The following MAP4K4 variants were observed in gnomAD, a reference collection of about 807,000 sequenced individuals.
The protein encoded by MAP4K4 is HPK/GCK-like kinase HGK.
Under a neutral mutation model 189.6 loss-of-function variants are expected in MAP4K4, and 38 were observed. The ratio of observed to expected loss-of-function variants is 0.20; its 90% CI spans 0.15 to 0.26. The LOEUF is 0.26. Among genes scored for constraint, MAP4K4 ranks in the 10% least tolerant of loss-of-function variants. The pLI is 1.00. For missense variants in MAP4K4, 1,054 were observed against 1,726.9 expected (o/e 0.61, Z 6.91); for synonymous variants, 610 against 624.3 (o/e 0.98, Z 0.34).
chr2:101,747,938 C>T (rs1346909150), intron 2 of MAP4K4, among the ~76,000 whole-genome samples: 1 of 152,212 alleles, frequency 6.6e-6, no homozygotes, highest in African/African-American at 2.4e-5. Flanking sequence ...GCTTGAGGAA[C>T]TGGTGTCGTG....
chr2:101,734,504 C>T (rs549370762), intron 2 of MAP4K4, among the ~76,000 whole-genome samples: 1 of 152,184 alleles, frequency 6.6e-6, no homozygotes, highest in Non-Finnish European at 1.5e-5. Context: ...AATTTACATT[C>T]TTTCGTATCA....
rs2093307153 is a variant in MAP4K4, at chr2:101,793,645, A to G, written c.180+2869A>G. On this transcript the variant is annotated intron_variant, in intron 3 of 32. Transcript: ENST00000324219. The stretch of plus-strand genomic sequence containing the variant: ...AGGTGCAAATACTTGTTTTTGGGAA[A>G]AATCACAGATTGGTTCTGACTCTTT... Among the ~76,000 whole-genome samples the G allele has an allele frequency of 1.3e-5, 2 of 151,838 alleles. 1 individual carries two copies. Among genetic ancestry groups the G allele is most frequent in the South Asian group, 4.2e-4 (2 of 4,814 alleles).
chr2:101,764,281 C>A (rs561304053), intron 2 of MAP4K4, among the ~76,000 whole-genome samples: 93 of 152,278 alleles, frequency 6.1e-4, no homozygotes, highest in African/African-American at 2.2e-3. Context: ...AAAAATTATA[C>A]CCAAATTGAA....
Position 101,763,723 on chromosome 2 carries a change from A to C in MAP4K4, c.124-26997A>C, listed in dbSNP as rs181143439. On this transcript the variant is annotated intron_variant, in intron 2 of 32. Coordinates refer to ENST00000324219, the Ensembl canonical transcript of MAP4K4. Reference sequence around the variant, plus strand: ...CTCAGGGAGATGAACTAACTTGAAGAGTGTCTTACCACAATCTCTATGAGA... The same window carrying C: ...CTCAGGGAGATGAACTAACTTGAAGCGTGTCTTACCACAATCTCTATGAGA... Among the ~76,000 whole-genome samples the C allele has an allele frequency of 3.5e-3, 531 of 152,330 alleles. 2 individuals are homozygous for C. Among genetic ancestry groups the C allele is most frequent in the African/African-American group, 0.012 (517 of 41,566 alleles).
At chr2:101,789,758 G>A (rs2092525601) in intron 2 of MAP4K4, among the ~76,000 whole-genome samples, 1 of 152,184 alleles carries the variant, frequency 6.6e-6, no homozygotes, top group African/African-American at 2.4e-5. Flanking sequence ...ATATCTGGAT[G>A]CTCTTTGCTA....
intron 10 of MAP4K4, among the ~76,000 whole-genome samples, chr2:101,841,909 G>A (rs1389947534): frequency 6.6e-6 from 1 of 152,200 alleles, no homozygotes; most frequent in African/African-American, 2.4e-5. Flanking sequence ...ATTAAGTGAA[G>A]GGACCAATAA....
intron 2 of MAP4K4, among the ~76,000 whole-genome samples, chr2:101,715,893 A>G (rs553908254): frequency 6.6e-5 from 10 of 152,166 alleles, no homozygotes; most frequent in African/African-American, 2.2e-4. Context: ...CCTGAGCTCC[A>G]CCTCCTGTCA....
chr2:101,806,665 A>C (rs2094968256), intron 3 of MAP4K4, among the ~76,000 whole-genome samples: 1 of 152,178 alleles, frequency 6.6e-6, no homozygotes, highest in African/African-American at 2.4e-5. Context: ...GGCGTGAGCC[A>C]CTGTGTCCGG....
exon 22 of MAP4K4, chr2:101,869,715 G>C (rs1444423454): frequency 1.2e-6 from 2 of 1,600,808 alleles, no homozygotes; most frequent in South Asian, 2.3e-5. Flanking sequence ...TGAGGAGTCG[G>C]GGACGACGGA....
chr2:101,867,610 T>C, intron 20 of MAP4K4: 1 of 340,168 alleles, frequency 2.9e-6, no homozygotes, highest in Non-Finnish European at 5.3e-6. Flanking sequence ...TAATGAAATT[T>C]CCTTCTAAGG....
chr2:101,822,110 T>A (rs1402627428), intron 3 of MAP4K4, among the ~76,000 whole-genome samples: 5 of 149,050 alleles, frequency 3.4e-5, no homozygotes, highest in Non-Finnish European at 4.4e-5. Flanking sequence ...CTATTGTAAG[T>A]TGACTTTTTT....
intron 22 of MAP4K4, 122 bp downstream of exon 22, chr2:101,869,919 G>A: frequency 7.6e-7 from 1 of 1,323,640 alleles, no homozygotes; most frequent in African/African-American, 1.5e-5. Context: ...TAGTTCTCGT[G>A]GATTCAGCAG....
At chr2:101,854,223 A>G (rs926985089) in intron 12 of MAP4K4, among the ~76,000 whole-genome samples, 2 of 152,322 alleles carry the variant, frequency 1.3e-5, no homozygotes, top group Admixed American at 1.3e-4. Context: ...GAGACTTTAT[A>G]GATTATTTGT....
At chr2:101,734,478 A>G (rs1263515493) in intron 2 of MAP4K4, among the ~76,000 whole-genome samples, 2 of 152,216 alleles carry the variant, frequency 1.3e-5, no homozygotes, top group African/African-American at 4.8e-5. Flanking sequence ...ATTACACTGC[A>G]AGTCAAAGAT....
intron 12 of MAP4K4, among the ~76,000 whole-genome samples, chr2:101,853,457 A>G (rs987351430): frequency 6.6e-6 from 1 of 152,110 alleles, no homozygotes; most frequent in Admixed American, 6.6e-5. Flanking sequence ...TTTAATGAAC[A>G]CTCCTAGACA....
intron 2 of MAP4K4, among the ~76,000 whole-genome samples, chr2:101,773,098 G>A (rs2082265569): frequency 3.3e-5 from 5 of 152,052 alleles, no homozygotes; most frequent in African/African-American, 1.2e-4. Flanking sequence ...GTTGACCCTC[G>A]GCACTTCTCC....
At chr2:101,783,511 C>T (rs777563879) in intron 2 of MAP4K4, among the ~76,000 whole-genome samples, 2 of 152,160 alleles carry the variant, frequency 1.3e-5, no homozygotes, top group Non-Finnish European at 2.9e-5. Context: ...TTTAAAAAGG[C>T]ATGGATTCCT....
intron 11 of MAP4K4, 71 bp downstream of exon 11, chr2:101,842,752 A>C: frequency 8.7e-7 from 1 of 1,147,378 alleles, no homozygotes; most frequent in Non-Finnish European, 1.3e-6. Flanking sequence ...CCAGGACTGC[A>C]GAAGACTCCT....
intron 2 of MAP4K4, among the ~76,000 whole-genome samples, chr2:101,779,471 G>T (rs11894699): frequency 6.6e-6 from 1 of 152,016 alleles, no homozygotes; most frequent in East Asian, 1.9e-4. Flanking sequence ...GATGGGTTGA[G>T]TGTACAACTC....
Sources: gnomAD v4.1 joint callset for allele counts (sites outside exome capture counted in the v4.1 genomes callset) on GRCh38, gnomAD v4.1.1 for gene constraint, MANE v1.5 for transcripts, NCBI Gene and HGNC (gene_info 2026-07-23, HGNC 2026-07-21) for gene names.